SYNE1: variants seen among roughly 807,000 people sequenced by gnomAD.
The protein encoded by SYNE1 is spectrin repeat containing nuclear envelope protein 1.
Under a neutral mutation model 1,111.0 loss-of-function variants are expected in SYNE1, and 616 were observed. The observed-to-expected ratio is 0.55, with a 90% CI of 0.52 to 0.59. The LOEUF (loss-of-function observed/expected upper bound fraction) is 0.59, where lower values mean the gene tolerates loss of function less well. Ranked by LOEUF, SYNE1 falls within the 20% of genes least tolerant of loss-of-function variation. The probability of loss-of-function intolerance (pLI) is 0.00; values close to 1 mark genes in which losing one functional copy is unlikely to be tolerated. For synonymous variants in SYNE1, 3,855 were observed against 3,825.8 expected, an observed-to-expected ratio of 1.01 and a Z score of -0.28; for missense variants, 10,006 against 10,417.0, an observed-to-expected ratio of 0.96 and a Z score of 1.72.
At position 152,148,277 on chromosome 6, in the gene SYNE1, C is replaced by A; in HGVS notation, c.24744G>T (p.Leu8248=). ...LHWHDRSADS[L]LSPQPSSNLS... is the part of the protein sequence containing the mutation. Reference sequence around the variant, plus strand: ...GATTGGAGGAAGGCTGTGGAGAAAGCAGGCTGTCTGCAGAGCGGTCGTGCC... The same window carrying A: ...GATTGGAGGAAGGCTGTGGAGAAAGAAGGCTGTCTGCAGAGCGGTCGTGCC... Residue 8248 remains leucine (L), a synonymous_variant, in exon 137 of 146, where the codon CTG becomes CTT. Coordinates refer to ENST00000367255, the MANE Select transcript of SYNE1 (RefSeq NM_182961.4). The surrounding 1 kb of genome is among the most constrained non-coding windows in gnomAD (Gnocchi z 4.1). 1 of 1,613,450 alleles carries A rather than the reference C, an allele frequency of 6.2e-7. No homozygotes were observed. Among genetic ancestry groups the A allele is most frequent in the Non-Finnish European group, 8.5e-7 (1 of 1,179,562 alleles).
chr6:152,433,559 C>T lies in SYNE1; in HGVS notation c.4461+236G>A, dbSNP rs1380702219. 2.4e-5 allele frequency: 13 copies of T among 537,550 alleles called. No homozygotes were observed. The East Asian group carries it at 4.0e-4, about 16-fold the overall frequency. 33.3% of individuals were successfully genotyped at this position (537,550 alleles called of 1,614,324 possible). On this transcript the variant is annotated intron_variant, in intron 34 of 145. Coordinates refer to ENST00000367255, the MANE Select transcript of SYNE1 (RefSeq NM_182961.4). ...CCATAAAAATATTTTAATGATATTT[C>T]ACACAATATTAACTTTGAATGCACA...
At chr6:152,500,074 T>C (rs2099021057) in intron 10 of SYNE1, among the ~76,000 whole-genome samples, 1 of 152,218 alleles carries the variant, frequency 6.6e-6, no homozygotes, top group Non-Finnish European at 1.5e-5. Flanking sequence ...GAGAGATGAT[T>C]AATGTCAGAG....
chr6:152,352,408 C>CCT (rs1563282278), intron 69 of SYNE1, 55 bp from the exon 70 acceptor site: 2 of 1,303,792 alleles, frequency 1.5e-6, no homozygotes, highest in African/African-American at 1.5e-5. Flanking sequence ...TCTTTTCTTT[C>CCT]TTTTTTTTTT....
rs942245024 is a variant in SYNE1, at chr6:152,281,975, C to T, written c.18213G>A (p.Lys6071=). The change falls in exon 97 of 146, where the codon AAG becomes AAA. Residue 6071 remains lysine (K), a synonymous_variant. Transcript: ENST00000367255. ...TTTGTTCCTCCAGCTGATCATTCAA[C>T]TTCTCCTGTTGAATTCAGTAGAAGG... is the stretch of plus-strand genomic sequence containing the variant. ...ASGKRQLLEE[K]LNDQLEEQRQ... is the part of the protein sequence containing the mutation. 6.2e-6 allele frequency: 10 copies of T among 1,613,768 alleles called. No homozygotes were observed. In the African/African-American group the frequency reaches 1.1e-4, roughly 17 times the overall value.
chr6:152,352,505 C>A (rs1024848844), intron 69 of SYNE1, 152 bp from the exon 70 acceptor site: 3 of 779,610 alleles, frequency 3.8e-6, no homozygotes, highest in Admixed American at 2.6e-5. Flanking sequence ...TGGGTTCCAG[C>A]GATTCTCCTG....
At chr6:152,465,199 A>T in intron 18 of SYNE1, 59 bp downstream of exon 18, 2 of 1,576,000 alleles carry the variant, frequency 1.3e-6, no homozygotes, top group Non-Finnish European at 1.7e-6. Context: ...CTACGCTGTA[A>T]AAGTCTCTCA....
intron 133 of SYNE1, among the ~76,000 whole-genome samples, chr6:152,154,368 T>A (rs1057177291): frequency 1.3e-5 from 2 of 152,084 alleles, no homozygotes; most frequent in African/African-American, 4.8e-5. Flanking sequence ...AGACCAGTAC[T>A]ACTCTTCACT....
Position 152,154,977 on chromosome 6 carries a change from A to G in SYNE1, c.24044T>C (p.Leu8015Pro). ...AGCAGCTGTCCTTTCTGAAGACTTC[A>G]GCCAATCTTCAAAACGTGAATAGTC... ...LDDYSRFEDW[L>P]KSSERTAAFP... The change falls in exon 133 of 146, where the codon CTG (leucine) becomes CCG (proline). Residue 8015 changes from leucine (L) to proline (P), a missense_variant. Leu to Pro is a moderately conservative substitution (Grantham distance 98). Transcript: ENST00000367255. 6.2e-7 allele frequency: 1 copy of G among 1,614,232 alleles called. No homozygotes were observed. The highest frequency in any genetic ancestry group is 8.5e-7 in the Non-Finnish European group (1 of 1,180,032).
At position 152,305,596 on chromosome 6, in the gene SYNE1, G is replaced by C. The variant is rs1332031068; in HGVS notation, c.17346+2893C>G. ...TATTTTTAAAAGTTTGAATTCCTTAGGCATAAATAAATGATCAGTTATTTT... is the reference window on the plus strand; with the variant it reads ...TATTTTTAAAAGTTTGAATTCCTTACGCATAAATAAATGATCAGTTATTTT... On this transcript the variant is annotated intron_variant, in intron 91 of 145. Transcript: ENST00000367255. 5.3e-5 allele frequency among the ~76,000 whole-genome samples: 8 copies of C among 152,034 alleles called. 1 individual carries two copies. The highest frequency in any genetic ancestry group is 1.5e-5 in the Non-Finnish European group (1 of 68,006).
At chr6:152,622,067 A>G (rs544205941) in intron 3 of SYNE1, among the ~76,000 whole-genome samples, 1 of 152,326 alleles carries the variant, frequency 6.6e-6, no homozygotes, top group South Asian at 2.1e-4. Flanking sequence ...AATGTATTTA[A>G]CTATAATGTT....
At chr6:152,580,097 T>C (rs1216574611) in intron 3 of SYNE1, among the ~76,000 whole-genome samples, 1 of 152,224 alleles carries the variant, frequency 6.6e-6, no homozygotes, top group Non-Finnish European at 1.5e-5. Context: ...CAAACTGCTT[T>C]CCACAGTGGC....
At chr6:152,552,574 A>G (rs970237300) in intron 3 of SYNE1, among the ~76,000 whole-genome samples, 3 of 152,108 alleles carry the variant, frequency 2.0e-5, no homozygotes, top group African/African-American at 7.2e-5. Flanking sequence ...GAGAGCTACA[A>G]TTTTAACAAC....
In SYNE1 at chr6:152,130,882, T is replaced by G. The variant is rs576662638; in HGVS notation, c.26095-104A>C. 5.0e-6 allele frequency: 6 copies of G among 1,200,872 alleles called. No individual in the cohort carries two copies. In the South Asian group the frequency reaches 6.5e-5, roughly 13 times the overall value. 74.4% of individuals were successfully genotyped at this position (1,200,872 alleles called of 1,614,324 possible). A position where few individuals can be genotyped will look rare whatever the true frequency, so the allele number is the denominator to read the frequency against. On this transcript the variant is annotated intron_variant, in intron 144 of 145. Coordinates refer to ENST00000367255, the MANE Select transcript of SYNE1 (RefSeq NM_182961.4). ...AACTAAAAGTGCAGCAAAGGAAAAA[T>G]AAATCAAATGAAATGATCAGTACCC...
intron 6 of SYNE1, among the ~76,000 whole-genome samples, chr6:152,517,174 T>C (rs763934029): frequency 6.6e-5 from 10 of 152,228 alleles, no homozygotes; most frequent in Non-Finnish European, 1.0e-4. Context: ...ATCTAAGTTT[T>C]CTGTAAATTT....
At chr6:152,264,251 C>G (rs1476338422) in intron 100 of SYNE1, among the ~76,000 whole-genome samples, 1 of 145,494 alleles carries the variant, frequency 6.9e-6, no homozygotes, top group Non-Finnish European at 1.5e-5. Flanking sequence ...CAGGAACAAC[C>G]TAGGGTGGCT....
At chr6:152,612,827 G>T (rs2128809113) in intron 3 of SYNE1, among the ~76,000 whole-genome samples, 1 of 152,310 alleles carries the variant, frequency 6.6e-6, no homozygotes, top group East Asian at 1.9e-4. Context: ...CCCCTGGGAT[G>T]CAAGGCTGAT....
Position 152,206,285 on chromosome 6 carries a change from C to G in SYNE1, c.22902G>C (p.Ser7634=), listed in dbSNP as rs140577642. ...AGGCGGCCTCAGCGCCACTGTCCGC[C>G]GAGAGAAGGAGTTGCTTGCCAGCCT... ...TVEAGKQLLL[S]ADSGAEAALQ... Residue 7634 remains serine (S), a synonymous_variant, in exon 126 of 146, where the codon TCG becomes TCC. Coordinates refer to ENST00000367255, the MANE Select transcript of SYNE1 (RefSeq NM_182961.4). 6.2e-7 allele frequency: 1 copy of G among 1,613,986 alleles called. No individual in the cohort carries two copies. Among genetic ancestry groups the G allele is most frequent in the Non-Finnish European group, 8.5e-7 (1 of 1,180,022 alleles).
At chr6:152,530,713 C>A (rs892810163) in intron 4 of SYNE1, among the ~76,000 whole-genome samples, 18 of 151,756 alleles carry the variant, frequency 1.2e-4, no homozygotes, top group African/African-American at 4.1e-4. Context: ...CCTCTGCCTC[C>A]CGGGTTCATG....
chr6:152,326,481 C>T lies in SYNE1; in HGVS notation c.15108G>A (p.Met5036Ile), dbSNP rs1389634363. The part of the protein sequence containing the change: ...ESAEENLKSH[M>I]EFFSTEDQFH... ...ACTGATCCTCTGTACTGAAAAATTC[C>T]ATGTGGCTTTTGAGATTTTCCTCTG... The change falls in exon 79 of 146, where the codon ATG becomes ATA. Residue 5036 changes from methionine to isoleucine, a missense_variant. Transcript: ENST00000367255. 6.2e-7 allele frequency: 1 copy of T among 1,614,068 alleles called. No individual in the cohort carries two copies. The highest frequency in any genetic ancestry group is 8.5e-7 in the Non-Finnish European group (1 of 1,180,056).
Sources: gnomAD v4.1 joint callset for allele counts (sites outside exome capture counted in the v4.1 genomes callset) on GRCh38, gnomAD v4.1.1 for gene constraint, Gnocchi (gnomAD v3.1) non-coding constraint, MANE v1.5 for transcripts, NCBI Gene and HGNC (gene_info 2026-07-23, HGNC 2026-07-21) for gene names.